LUZP1: variants seen among roughly 807,000 people sequenced by gnomAD.
LUZP1 encodes the protein leucine zipper protein 1, also known as filamin mechanobinding actin cross-linking protein.
A neutral mutation model predicts 71.3 loss-of-function variants in LUZP1; 25 were observed. That is an observed-to-expected ratio of 0.35 (90% CI 0.26 to 0.49). LUZP1 has a LOEUF of 0.49. Among genes scored for constraint, LUZP1 ranks in the 20% least tolerant of loss-of-function variants. The pLI is 0.99. For missense variants in LUZP1, 1,142 were observed against 1,300.8 expected, an observed-to-expected ratio of 0.88 and a Z score of 1.88; for synonymous variants, 481 against 506.4, an observed-to-expected ratio of 0.95 and a Z score of 0.67.
In LUZP1 at chr1:23,120,850, G is replaced by T. The variant is rs1479139034; in HGVS notation, c.-225-11723C>A. 2.6e-5 allele frequency among the ~76,000 whole-genome samples: 4 copies of T among 152,226 alleles called. No individual in the cohort carries two copies. In the East Asian group the frequency reaches 7.7e-4, roughly 29 times the overall value. On this transcript the variant is annotated intron_variant, in intron 2 of 4. Transcript: ENST00000302291. ...AACTAAAGGAGGGCTTTCATATTTA[G>T]CCTCTCTTGCTTCAGTGCCCAAAAG... is the stretch of plus-strand genomic sequence containing the variant.
chr1:23,119,233 G>C (rs540562517), intron 2 of LUZP1, among the ~76,000 whole-genome samples: 14 of 141,080 alleles, frequency 9.9e-5, no homozygotes, highest in South Asian at 2.3e-4. Context: ...TTTTTTTAAC[G>C]ACCTGATGTG....
At chr1:23,142,327 T>C (rs1644309638) in intron 2 of LUZP1, among the ~76,000 whole-genome samples, 1 of 152,276 alleles carries the variant, frequency 6.6e-6, no homozygotes, top group African/African-American at 2.4e-5. Context: ...TTTAATGCAT[T>C]ATTTTTAGTT....
At chr1:23,112,148 T>C (rs1049982981) in intron 2 of LUZP1, among the ~76,000 whole-genome samples, 5 of 152,246 alleles carry the variant, frequency 3.3e-5, no homozygotes, top group Admixed American at 2.6e-4. Flanking sequence ...AGTAACTGAT[T>C]TCTTTCTTCT....
At chr1:23,126,857 C>T (rs769815154) in intron 2 of LUZP1, among the ~76,000 whole-genome samples, 4 of 152,264 alleles carry the variant, frequency 2.6e-5, no homozygotes, top group East Asian at 3.9e-4. Context: ...CAATTTCTCC[C>T]GCAACTGAAC....
intron 2 of LUZP1, among the ~76,000 whole-genome samples, chr1:23,148,831 T>C (rs1008084249): frequency 6.6e-6 from 1 of 151,820 alleles, no homozygotes; most frequent in African/African-American, 2.4e-5. Context: ...TGGCCTATAA[T>C]CCCAATGCTT....
At chr1:23,122,505 C>G (rs974083990) in intron 2 of LUZP1, among the ~76,000 whole-genome samples, 2 of 152,142 alleles carry the variant, frequency 1.3e-5, no homozygotes, top group African/African-American at 4.8e-5. Flanking sequence ...CCATTACCAA[C>G]GCCCTGAAGC....
chr1:23,104,568 T>C (rs752353873), intron 3 of LUZP1, among the ~76,000 whole-genome samples: 8 of 152,152 alleles, frequency 5.3e-5, no homozygotes, highest in Non-Finnish European at 7.4e-5. Context: ...CCATCCTAAA[T>C]TCTGTAGATG....
exon 4 of LUZP1, chr1:23,092,528 G>A (rs1643867162): frequency 2.5e-6 from 4 of 1,614,050 alleles, no homozygotes; most frequent in African/African-American, 1.3e-5. Context: ...TGCCTTTAGA[G>A]AGCCCTTCTG....
intron 4 of LUZP1, chr1:23,090,691 C>T (rs949146111): frequency 1.8e-5 from 11 of 607,768 alleles, no homozygotes; most frequent in African/African-American, 1.3e-4. Context: ...GTGTAAGCCC[C>T]GGCTCTCCTC....
At chr1:23,117,905 C>T (rs1364797972) in intron 2 of LUZP1, among the ~76,000 whole-genome samples, 1 of 151,920 alleles carries the variant, frequency 6.6e-6, no homozygotes, top group Admixed American at 6.6e-5. Context: ...ACCTGGCAAA[C>T]ATGGTGAAAC....
chr1:23,163,212 C>T (rs1225088220), intron 2 of LUZP1, among the ~76,000 whole-genome samples: 3 of 148,196 alleles, frequency 2.0e-5, no homozygotes, highest in East Asian at 4.0e-4. Context: ...TTCACTCCAG[C>T]CTGGGTGACA....
intron 2 of LUZP1, among the ~76,000 whole-genome samples, chr1:23,139,726 T>C (rs909246657): frequency 5.3e-5 from 8 of 152,102 alleles, no homozygotes; most frequent in African/African-American, 1.4e-4. Context: ...AGCAAGAGGA[T>C]TGCTTGAGGC....
rs776342041 is a variant in LUZP1 at position 23,093,849 on chromosome 1, C to T, written c.413G>A (p.Cys138Tyr). 6.2e-7 allele frequency: 1 copy of T among 1,613,986 alleles called. No homozygotes were observed. Among genetic ancestry groups the T allele is most frequent in the Non-Finnish European group, 8.5e-7 (1 of 1,180,030 alleles). ...ATTTCTCTCCTCATTCAGGCTCAGA[C>T]ACAGCTGGGTACAGTCATTCTTACT... The change falls in exon 4 of 5, where the codon TGT (cysteine) becomes TAT (tyrosine). Residue 138 changes from cysteine to tyrosine, a missense_variant. Physicochemically the swap from Cys to Tyr is radical, Grantham distance 194 (BLOSUM62 -2). Transcript: ENST00000302291. The surrounding 1 kb of genome is among the most constrained non-coding windows in gnomAD (Gnocchi z 4.2).
chr1:23,172,843 A>G (rs7540804), intron 1 of LUZP1, among the ~76,000 whole-genome samples: 1 of 149,492 alleles, frequency 6.7e-6, no homozygotes, highest in Non-Finnish European at 1.5e-5. Flanking sequence ...TTTTATTTTT[A>G]TTTTTTTTGA....
At chr1:23,136,295 AACACACACACACACACACAC>A (rs10578041) in intron 2 of LUZP1, among the ~76,000 whole-genome samples, 1 of 130,246 alleles carries the variant, frequency 7.7e-6, no homozygotes, top group South Asian at 2.6e-4. Flanking sequence ...TTCCGTCTTA[AACACACACACACACACACAC>A]ACACACACAC....
chr1:23,127,390 T>C (rs555297037), intron 2 of LUZP1, among the ~76,000 whole-genome samples: 2 of 152,204 alleles, frequency 1.3e-5, no homozygotes, highest in Non-Finnish European at 2.9e-5. Context: ...TTCCACCCTC[T>C]GCACTAAGCC....
At chr1:23,101,100 A>G (rs2124618091) in intron 3 of LUZP1, among the ~76,000 whole-genome samples, 1 of 152,340 alleles carries the variant, frequency 6.6e-6, no homozygotes, top group East Asian at 1.9e-4. Flanking sequence ...ACAAATAAGT[A>G]CAACCACAAA....
intron 2 of LUZP1, among the ~76,000 whole-genome samples, chr1:23,158,832 T>C (rs922856881): frequency 6.8e-6 from 1 of 147,718 alleles, no homozygotes; most frequent in African/African-American, 2.5e-5. Flanking sequence ...CCAGCTGTGG[T>C]GGCAGGTGCC....
chr1:23,131,219 C>CAAAAAAAAA (rs71020480), intron 2 of LUZP1, among the ~76,000 whole-genome samples: 6 of 45,036 alleles, frequency 1.3e-4, no homozygotes, highest in African/African-American at 5.2e-4. Flanking sequence ...GACTCCATCT[C>CAAAAAAAAA]AAAAAAAAAA....
Sources: allele counts gnomAD v4.1 joint callset (sites outside exome capture counted in the v4.1 genomes callset), GRCh38; gene constraint gnomAD v4.1.1; non-coding constraint Gnocchi (gnomAD v3.1); transcripts MANE v1.5; gene names NCBI Gene and HGNC (gene_info 2026-07-23, HGNC 2026-07-21).